Variants in NPSR1 observed in about 807,000 individuals in gnomAD.
NPSR1 encodes neuropeptide S receptor 1.
In NPSR1, 48 loss-of-function variants were observed where a neutral mutation model predicts 46.9. That is an observed-to-expected ratio of 1.02 (90% CI 0.81 to 1.30). The LOEUF (loss-of-function observed/expected upper bound fraction) is 1.30, where lower values mean the gene tolerates loss of function less well. Ranked by LOEUF, NPSR1 falls within the 50% of genes most tolerant of loss-of-function variation. The pLI, the probability that NPSR1 is intolerant of heterozygous loss-of-function variation, is 0.00. For missense variants in NPSR1, 450 were observed against 449.5 expected, an observed-to-expected ratio of 1.00 and a Z score of -0.01; for synonymous variants, 176 against 168.1, an observed-to-expected ratio of 1.05 and a Z score of -0.36.
intron 5 of NPSR1, 79 bp from the exon 6 acceptor site, chr7:34,834,305 A>T (rs745476736): frequency 1.3e-5 from 13 of 991,312 alleles, no homozygotes; most frequent in Non-Finnish European, 2.0e-5. Context: ...GCACTCGGGG[A>T]GGTGGGAGTG....
chr7:34,701,029 T>C (rs906135918), intron 2 of NPSR1, among the ~76,000 whole-genome samples: 2 of 152,224 alleles, frequency 1.3e-5, no homozygotes, highest in African/African-American at 4.8e-5. Context: ...CTTGTTTTGC[T>C]CTTTTATTCA....
intron 1 of NPSR1, among the ~76,000 whole-genome samples, chr7:34,671,999 G>A (rs1792085539): frequency 6.6e-6 from 1 of 152,138 alleles, no homozygotes; most frequent in Admixed American, 6.5e-5. Context: ...TGGATCATCA[G>A]GAATAATACA....
chr7:34,779,594 C>A (rs752433458), intron 3 of NPSR1: 4 of 1,280,540 alleles, frequency 3.1e-6, no homozygotes, highest in Non-Finnish European at 4.0e-6. Flanking sequence ...GGAATAGTTA[C>A]AATCTTCTTT....
intron 8 of NPSR1, among the ~76,000 whole-genome samples, chr7:34,862,007 C>T (rs1430966025): frequency 8.6e-5 from 13 of 151,828 alleles, no homozygotes; most frequent in Admixed American, 7.2e-4. Context: ...GCATTCTGCT[C>T]CCTCTTCAAC....
chr7:34,740,736 C>A (rs324386), intron 2 of NPSR1, among the ~76,000 whole-genome samples: 4,829 of 152,276 alleles, frequency 0.032, 242 homozygotes, highest in African/African-American at 0.11. Context: ...ACAGTTTGGG[C>A]ACTCACAGGA....
At chr7:34,700,154 G>A (rs1793745752) in intron 2 of NPSR1, among the ~76,000 whole-genome samples, 2 of 152,312 alleles carry the variant, frequency 1.3e-5, no homozygotes, top group South Asian at 2.1e-4. Flanking sequence ...GACAGTGGAA[G>A]CTCAAGGAAC....
At chr7:34,876,762 T>C (rs1439086348) in intron 8 of NPSR1, among the ~76,000 whole-genome samples, 1 of 152,230 alleles carries the variant, frequency 6.6e-6, no homozygotes, top group Non-Finnish European at 1.5e-5. Flanking sequence ...ATGACCTCTA[T>C]GGGACCACTT....
At chr7:34,858,455 T>C (rs1202223660) in intron 8 of NPSR1, among the ~76,000 whole-genome samples, 2 of 151,778 alleles carry the variant, frequency 1.3e-5, no homozygotes, top group African/African-American at 2.4e-5. Context: ...TAACATATGA[T>C]CTCATTTATA....
intron 4 of NPSR1, among the ~76,000 whole-genome samples, chr7:34,812,481 A>G (rs1180548396): frequency 6.6e-6 from 1 of 152,170 alleles, no homozygotes; most frequent in Non-Finnish European, 1.5e-5. Context: ...GCACTTCCTG[A>G]ACAGGCTGCA....
chr7:34,675,788 CCTGA>C (rs1792283607), intron 1 of NPSR1, among the ~76,000 whole-genome samples: 1 of 152,248 alleles, frequency 6.6e-6, no homozygotes, highest in Admixed American at 6.5e-5. Context: ...CACTGTGTAG[CCTGA>C]CTAACTTGAG....
chr7:34,751,833 G>A, intron 2 of NPSR1: 1 of 1,586,756 alleles, frequency 6.3e-7, no homozygotes. Flanking sequence ...GTTGGTAAAT[G>A]AGGGTCACTG....
intron 8 of NPSR1, among the ~76,000 whole-genome samples, chr7:34,861,217 T>C (rs1162526768): frequency 2.4e-4 from 37 of 152,058 alleles, no homozygotes; most frequent in Non-Finnish European, 2.9e-4. Flanking sequence ...ACCTCAAAGT[T>C]GATGGCATTT....
At chr7:34,795,448 A>G (rs34901036) in intron 3 of NPSR1, among the ~76,000 whole-genome samples, 22,083 of 152,078 alleles carry the variant, frequency 0.15, 2,119 homozygotes, top group East Asian at 0.32. Flanking sequence ...AATAAAAGAC[A>G]CACTAATTGG....
chr7:34,684,576 G>C lies in NPSR1; in HGVS notation c.172G>C (p.Val58Leu). Residue 58 changes from valine (V) to leucine (L), a missense_variant, in exon 2 of 9, where the codon GTC becomes CTC. Coordinates refer to ENST00000360581, the MANE Select transcript of NPSR1 (RefSeq NM_207172.2). ...FKTEQLITLW[V>L]LFVFTIVGNS... ...GACTGAGCAATTGATAACTCTGTGG[G>C]TCCTCTTTGTTTTTACCATTGTTGG... 1 of 1,613,530 alleles carries C rather than the reference G, an allele frequency of 6.2e-7. No homozygotes were observed. Among genetic ancestry groups the C allele is most frequent in the Non-Finnish European group, 8.5e-7 (1 of 1,179,722 alleles).
chr7:34,832,936 T>C (rs1790186165), intron 5 of NPSR1, among the ~76,000 whole-genome samples: 1 of 152,194 alleles, frequency 6.6e-6, no homozygotes, highest in Non-Finnish European at 1.5e-5. Flanking sequence ...TTTCTCATTT[T>C]TTCTTTACTG....
At chr7:34,706,863 G>A (rs904305888) in intron 2 of NPSR1, among the ~76,000 whole-genome samples, 2 of 151,514 alleles carry the variant, frequency 1.3e-5, no homozygotes, top group African/African-American at 4.9e-5. Context: ...TTTTTAATTG[G>A]CTAACATCTG....
intron 1 of NPSR1, among the ~76,000 whole-genome samples, chr7:34,673,354 C>T (rs1001746421): frequency 2.0e-5 from 3 of 152,156 alleles, no homozygotes; most frequent in Non-Finnish European, 4.4e-5. Flanking sequence ...AGATTACAAA[C>T]CAGTATAATC....
intron 2 of NPSR1, among the ~76,000 whole-genome samples, chr7:34,727,192 T>C (rs1322015182): frequency 6.6e-6 from 1 of 152,084 alleles, no homozygotes; most frequent in Non-Finnish European, 1.5e-5. Context: ...AATAAGGTGT[T>C]TTTTTTAATG....
intron 1 of NPSR1, among the ~76,000 whole-genome samples, chr7:34,659,972 A>C (rs1341986340): frequency 6.6e-6 from 1 of 152,198 alleles, no homozygotes; most frequent in Non-Finnish European, 1.5e-5. Context: ...AATCAGCAAT[A>C]AGGTGGTTAT....
Sources: allele counts gnomAD v4.1 joint callset (sites outside exome capture counted in the v4.1 genomes callset), GRCh38; gene constraint gnomAD v4.1.1; transcripts MANE v1.5; gene names NCBI Gene and HGNC (gene_info 2026-07-23, HGNC 2026-07-21).